The following XXYLT1 variants were observed in gnomAD, a reference collection of about 807,000 sequenced individuals.
The protein encoded by XXYLT1 is xyloside xylosyltransferase 1.
Under a neutral mutation model 28.9 loss-of-function variants are expected in XXYLT1, and 20 were observed. The ratio of observed to expected loss-of-function variants is 0.69; its 90% confidence interval spans 0.49 to 1.00. The LOEUF is 1.00. Among genes scored for constraint, XXYLT1 ranks in the 50% least tolerant of loss-of-function variants. The probability of loss-of-function intolerance (pLI) is 0.00; values close to 1 mark genes in which losing one functional copy is unlikely to be tolerated. For synonymous variants in XXYLT1, 257 were observed against 253.8 expected, an observed-to-expected ratio of 1.01 and a Z score of -0.12; for missense variants, 542 against 560.1, an observed-to-expected ratio of 0.97 and a Z score of 0.33.
intron 1 of XXYLT1, among the ~76,000 whole-genome samples, chr3:195,263,468 G>T (rs997154876): frequency 6.6e-6 from 1 of 152,132 alleles, no homozygotes; most frequent in Admixed American, 6.5e-5. Flanking sequence ...TTGGGAGGGA[G>T]CGAGTTCTCA....
intron 2 of XXYLT1, among the ~76,000 whole-genome samples, chr3:195,205,119 G>C (rs1723015178): frequency 6.6e-6 from 1 of 152,236 alleles, no homozygotes; most frequent in Non-Finnish European, 1.5e-5. Context: ...CTCTGGAAAA[G>C]TCTGCCAATT....
At chr3:195,228,026 A>G (rs1009480760) in intron 1 of XXYLT1, among the ~76,000 whole-genome samples, 1 of 152,172 alleles carries the variant, frequency 6.6e-6, no homozygotes, top group African/African-American at 2.4e-5. Context: ...TCCTTCTACG[A>G]CACACAGGAG....
chr3:195,180,549 G>A lies in XXYLT1; in HGVS notation c.653-23968C>T. On this transcript the variant is annotated intron_variant, in intron 2 of 3. Transcript: ENST00000310380. The surrounding 1 kb of genome is among the most constrained non-coding windows in gnomAD (Gnocchi z 5.8). ...GAAGCAAACAAACAGATAAGGGTCA[G>A]CATCTGAGGCCAGACCCTAAGGCCC... is the stretch of plus-strand genomic sequence containing the variant. 1 of 985,520 alleles carries A rather than the reference G, an allele frequency of 1.0e-6. No individual in the cohort carries two copies. Among genetic ancestry groups the A allele is most frequent in the Non-Finnish European group, 1.2e-6 (1 of 829,974 alleles). The allele number at this position is 985,520 out of a possible 1,614,324, so 61.0% of individuals were successfully genotyped here.
In XXYLT1 at chr3:195,155,439, C is replaced by T. The variant is rs116763057; in HGVS notation, c.785+1010G>A. Among the ~76,000 whole-genome samples, 291 of 152,328 alleles carry T rather than the reference C, an allele frequency of 1.9e-3. 1 individual carries two copies. The highest frequency in any genetic ancestry group is 6.7e-3 in the African/African-American group (278 of 41,564). ...CTGCTCTGGGTGTGCTATCGCTCTA[C>T]CCGCTGGAGAAACAGCCAGCAACAT... On this transcript the variant is annotated intron_variant, in intron 3 of 3. Coordinates refer to ENST00000310380, the MANE Select transcript of XXYLT1 (RefSeq NM_152531.5).
intron 1 of XXYLT1, among the ~76,000 whole-genome samples, chr3:195,264,182 T>C (rs1205115168): frequency 1.3e-5 from 2 of 152,236 alleles, no homozygotes; most frequent in Non-Finnish European, 2.9e-5. Context: ...TTGCCCGCTC[T>C]ATCATTTCCA....
At chr3:195,233,765 A>G (rs866309503) in intron 1 of XXYLT1, among the ~76,000 whole-genome samples, 10 of 152,354 alleles carry the variant, frequency 6.6e-5, no homozygotes, top group Middle Eastern at 3.4e-3. Flanking sequence ...TGTACTTAAG[A>G]TATCAGAAAT....
In XXYLT1 at chr3:195,076,749, G is replaced by A. The variant is rs1346505277; in HGVS notation, c.786-6638C>T. On this transcript the variant is annotated intron_variant, in intron 3 of 3. Coordinates refer to ENST00000310380, the MANE Select transcript of XXYLT1 (RefSeq NM_152531.5). This position sits in a 1 kb window ranked among gnomAD's most constrained non-coding sequence, Gnocchi z 5.3. ...TTGCTGGCAGTCTGGGATCCTGGGAGAGGCATCACCCTGCTCTCTGCCTTC... is the reference window on the plus strand; with the variant it reads ...TTGCTGGCAGTCTGGGATCCTGGGAAAGGCATCACCCTGCTCTCTGCCTTC... Among the ~76,000 whole-genome samples the A allele has an allele frequency of 1.3e-5, 2 of 152,170 alleles. No homozygotes were observed. Among genetic ancestry groups the A allele is most frequent in the African/African-American group, 4.8e-5 (2 of 41,430 alleles).
intron 2 of XXYLT1, among the ~76,000 whole-genome samples, chr3:195,220,471 T>C (rs369583302): frequency 9.2e-5 from 14 of 152,048 alleles, no homozygotes; most frequent in Admixed American, 5.2e-4. Context: ...CACGACACCA[T>C]AGGGCCTCTT....
Position 195,129,941 on chromosome 3 carries a change from G to A in XXYLT1, c.785+26508C>T, listed in dbSNP as rs1427476749. Among the ~76,000 whole-genome samples, 2 of 152,128 alleles carry A rather than the reference G, an allele frequency of 1.3e-5. No homozygotes were observed. The highest frequency in any genetic ancestry group is 4.8e-5 in the African/African-American group (2 of 41,420). Reference sequence around the variant, plus strand: ...ATATTCCCACCACCAGTGAGTGCGGGTTCCCATGCCTCCAACTCCTCACCA... The same window carrying A: ...ATATTCCCACCACCAGTGAGTGCGGATTCCCATGCCTCCAACTCCTCACCA... On this transcript the variant is annotated intron_variant, in intron 3 of 3. Coordinates refer to ENST00000310380, the MANE Select transcript of XXYLT1 (RefSeq NM_152531.5). The surrounding 1 kb of genome is among the most constrained non-coding windows in gnomAD (Gnocchi z 4.4).
chr3:195,211,191 C>A (rs1407144819), intron 2 of XXYLT1, among the ~76,000 whole-genome samples: 7 of 152,040 alleles, frequency 4.6e-5, no homozygotes, highest in Admixed American at 4.6e-4. Flanking sequence ...GTGAGGAGTT[C>A]GAGACCAGCC....
intron 2 of XXYLT1, among the ~76,000 whole-genome samples, chr3:195,205,940 G>C (rs543232922): frequency 2.6e-4 from 39 of 152,204 alleles, no homozygotes; most frequent in African/African-American, 8.9e-4. Context: ...TGTTACCACT[G>C]GGGGAAAGTG....
chr3:195,268,726 T>C (rs1040395828), intron 1 of XXYLT1, among the ~76,000 whole-genome samples: 8 of 152,156 alleles, frequency 5.3e-5, no homozygotes, highest in African/African-American at 1.7e-4. Context: ...GAGGTATCAG[T>C]TCCCTCTGGT....
intron 3 of XXYLT1, among the ~76,000 whole-genome samples, chr3:195,137,683 C>T (rs962540920): frequency 1.3e-5 from 2 of 152,212 alleles, no homozygotes; most frequent in African/African-American, 2.4e-5. Flanking sequence ...TTCACAGCAC[C>T]AAGGAAAGTT....
At chr3:195,243,618 T>C (rs1724877318) in intron 1 of XXYLT1, among the ~76,000 whole-genome samples, 1 of 151,264 alleles carries the variant, frequency 6.6e-6, no homozygotes, top group South Asian at 2.1e-4. Flanking sequence ...TCTCTTTTCT[T>C]AGTCACTAAC....
intron 3 of XXYLT1, among the ~76,000 whole-genome samples, chr3:195,086,794 AT>A (rs1715754215): frequency 6.6e-6 from 1 of 152,062 alleles, no homozygotes; most frequent in African/African-American, 2.4e-5. Context: ...TAGCAGGTGT[AT>A]GACTAGCTCT....
chr3:195,186,955 C>T lies in XXYLT1; in HGVS notation c.653-30374G>A, dbSNP rs1453307697. On this transcript the variant is annotated intron_variant, in intron 2 of 3. Coordinates refer to ENST00000310380, the MANE Select transcript of XXYLT1 (RefSeq NM_152531.5). ...TGTCACCCAGGCTAGAGTGCAGTGGCGCGATCTCGGCTCACCGCAACCTCC... is the reference window on the plus strand; with the variant it reads ...TGTCACCCAGGCTAGAGTGCAGTGGTGCGATCTCGGCTCACCGCAACCTCC... Among the ~76,000 whole-genome samples, 12 of 149,838 alleles carry T rather than the reference C, an allele frequency of 8.0e-5. No individual in the cohort carries two copies. The South Asian group carries it at 8.7e-4, about 11-fold the overall frequency.
chr3:195,214,647 G>A (rs1723479952), intron 2 of XXYLT1: 1 of 152,100 alleles, frequency 6.6e-6, no homozygotes, highest in African/African-American at 2.4e-5. Context: ...ATGGAGCAGG[G>A]GCAGAGAACA....
intron 2 of XXYLT1, among the ~76,000 whole-genome samples, chr3:195,197,369 A>T (rs916570324): frequency 3.3e-5 from 5 of 151,766 alleles, no homozygotes; most frequent in African/African-American, 9.7e-5. Flanking sequence ...CCTGGGAGGC[A>T]GAGGCTGCAG....
At chr3:195,087,236 C>A (rs1401564826) in intron 3 of XXYLT1, 1 of 152,360 alleles carries the variant, frequency 6.6e-6, no homozygotes, top group African/African-American at 2.4e-5. Context: ...CCCTGGAGCT[C>A]CTCTTCCGCC....
Sources: gnomAD v4.1 joint callset for allele counts (sites outside exome capture counted in the v4.1 genomes callset) on GRCh38, gnomAD v4.1.1 for gene constraint, Gnocchi (gnomAD v3.1) non-coding constraint, MANE v1.5 for transcripts, NCBI Gene and HGNC (gene_info 2026-07-23, HGNC 2026-07-21) for gene names.